Variants in ANKS1B observed in about 807,000 individuals in gnomAD.
ANKS1B encodes the protein ankyrin repeat and sterile alpha motif domain containing 1B.
Under a neutral mutation model 148.3 loss-of-function variants are expected in ANKS1B, and 36 were observed. That is an observed-to-expected ratio of 0.24 (90% CI 0.19 to 0.32). ANKS1B has a LOEUF of 0.32. ANKS1B is among the 10% of genes least tolerant of loss of function. ANKS1B has a pLI of 1.00. For missense variants in ANKS1B, 1,157 were observed against 1,542.6 expected, an observed-to-expected ratio of 0.75 and a Z score of 4.19; for synonymous variants, 542 against 560.8, an observed-to-expected ratio of 0.97 and a Z score of 0.47.
Position 99,132,699 on chromosome 12 carries a change from T to C in ANKS1B, c.2526+21590A>G, listed in dbSNP as rs566733727. ...CAGATCTGGGCTTGTAAATTAACTA[T>C]TGTCCTTACTTATCAGCCAAGTGTT... On this transcript the variant is annotated intron_variant, in intron 15 of 26. Transcript: ENST00000683438. Among the ~76,000 whole-genome samples the C allele has an allele frequency of 5.3e-5, 8 of 152,344 alleles. No individual in the cohort carries two copies. In the East Asian group the frequency reaches 1.2e-3, roughly 22 times the overall value.
At chr12:99,427,432 T>G (rs2095279673) in intron 11 of ANKS1B, among the ~76,000 whole-genome samples, 1 of 152,202 alleles carries the variant, frequency 6.6e-6, no homozygotes, top group Non-Finnish European at 1.5e-5. Context: ...ACATTCTTCC[T>G]CTGACTCTTT....
intron 10 of ANKS1B, among the ~76,000 whole-genome samples, chr12:99,472,376 C>T (rs1368947002): frequency 6.6e-6 from 1 of 152,132 alleles, no homozygotes; most frequent in East Asian, 1.9e-4. Flanking sequence ...TGTCTCCCTA[C>T]AGAGCGTGAG....
At chr12:99,820,212 T>C (rs1411974496) in intron 2 of ANKS1B, among the ~76,000 whole-genome samples, 2 of 151,938 alleles carry the variant, frequency 1.3e-5, no homozygotes, top group African/African-American at 2.4e-5. Flanking sequence ...TTTTCCATTG[T>C]GTCCTGATCT....
intron 12 of ANKS1B, among the ~76,000 whole-genome samples, chr12:99,370,880 G>A (rs2093093577): frequency 6.6e-6 from 1 of 152,158 alleles, no homozygotes; most frequent in Non-Finnish European, 1.5e-5. Flanking sequence ...AGACTTACAA[G>A]TACTTCGATG....
chr12:99,434,230 T>C (rs1594746484), intron 11 of ANKS1B, among the ~76,000 whole-genome samples: 2 of 152,148 alleles, frequency 1.3e-5, no homozygotes, highest in South Asian at 2.1e-4. Flanking sequence ...AAGGGAAGGA[T>C]AGACTATATT....
At chr12:99,884,987 G>A (rs1260153426) in intron 1 of ANKS1B, among the ~76,000 whole-genome samples, 1 of 150,348 alleles carries the variant, frequency 6.7e-6, no homozygotes, top group Non-Finnish European at 1.5e-5. Context: ...ACTATTTAAT[G>A]TGATCTTAGA....
chr12:99,923,358 G>C (rs1444010300), intron 1 of ANKS1B, among the ~76,000 whole-genome samples: 2 of 152,182 alleles, frequency 1.3e-5, no homozygotes, highest in Non-Finnish European at 2.9e-5. Flanking sequence ...CTGAGAACCA[G>C]GAAGAGTTTA....
At chr12:99,634,082 T>C (rs921065089) in intron 9 of ANKS1B, among the ~76,000 whole-genome samples, 3 of 152,320 alleles carry the variant, frequency 2.0e-5, no homozygotes, top group African/African-American at 2.4e-5. Context: ...CCAGAAGCAA[T>C]ATACTATGGT....
intron 4 of ANKS1B, among the ~76,000 whole-genome samples, chr12:99,787,374 T>C (rs1006455008): frequency 6.6e-6 from 1 of 152,184 alleles, no homozygotes; most frequent in Non-Finnish European, 1.5e-5. Flanking sequence ...TTGCTCCTCC[T>C]TCACCTTCCA....
intron 12 of ANKS1B, among the ~76,000 whole-genome samples, chr12:99,304,044 T>C (rs1348695206): frequency 6.6e-6 from 1 of 152,176 alleles, no homozygotes; most frequent in Non-Finnish European, 1.5e-5. Flanking sequence ...TTCCATATTT[T>C]TGTGATTGCG....
At chr12:99,847,552 G>A (rs1295182473) in intron 1 of ANKS1B, among the ~76,000 whole-genome samples, 1 of 152,026 alleles carries the variant, frequency 6.6e-6, no homozygotes, top group African/African-American at 2.4e-5. Context: ...CAACTGACAG[G>A]CCTTGCTGGG....
chr12:99,095,186 A>G (rs538530027), intron 15 of ANKS1B, among the ~76,000 whole-genome samples: 5 of 152,358 alleles, frequency 3.3e-5, no homozygotes, highest in African/African-American at 1.2e-4. Context: ...GAAAATGTTC[A>G]GACTCCATGG....
intron 11 of ANKS1B, among the ~76,000 whole-genome samples, chr12:99,416,025 A>G (rs566381040): frequency 4.0e-5 from 6 of 151,628 alleles, no homozygotes; most frequent in Non-Finnish European, 5.9e-5. Context: ...TCCTGCCCCC[A>G]CCTCCACCTT....
At chr12:99,929,433 C>G (rs572704949) in intron 1 of ANKS1B, among the ~76,000 whole-genome samples, 2 of 152,230 alleles carry the variant, frequency 1.3e-5, no homozygotes, top group South Asian at 4.1e-4. Context: ...AAAATTTTCT[C>G]CCATTCTGTA....
chr12:99,566,506 G>A (rs1567367146), intron 9 of ANKS1B, among the ~76,000 whole-genome samples: 1 of 152,142 alleles, frequency 6.6e-6, no homozygotes, highest in South Asian at 2.1e-4. Flanking sequence ...GGCTGCTATG[G>A]TTTGAATGTG....
At chr12:99,221,974 T>A (rs1199418856) in intron 14 of ANKS1B, among the ~76,000 whole-genome samples, 4 of 152,186 alleles carry the variant, frequency 2.6e-5, no homozygotes, top group African/African-American at 9.7e-5. Context: ...TATTATTTTT[T>A]AAAATTTTGC....
chr12:99,398,882 A>G (rs1316898750), intron 12 of ANKS1B, among the ~76,000 whole-genome samples: 1 of 152,154 alleles, frequency 6.6e-6, no homozygotes, highest in Non-Finnish European at 1.5e-5. Flanking sequence ...AAGACCATCC[A>G]GCCTATGAGT....
At chr12:98,822,071 A>G (rs2099199662) in intron 19 of ANKS1B, among the ~76,000 whole-genome samples, 1 of 152,134 alleles carries the variant, frequency 6.6e-6, no homozygotes. Flanking sequence ...AAGGAGAGCC[A>G]GAGAGCAATG....
intron 16 of ANKS1B, among the ~76,000 whole-genome samples, chr12:99,057,464 T>C (rs1375080578): frequency 6.6e-6 from 1 of 152,206 alleles, no homozygotes; most frequent in African/African-American, 2.4e-5. Flanking sequence ...ATTTCCTCTA[T>C]TTCCTTCCTT....
Sources: allele counts gnomAD v4.1 joint callset (sites outside exome capture counted in the v4.1 genomes callset), GRCh38; gene constraint gnomAD v4.1.1; transcripts MANE v1.5; gene names NCBI Gene and HGNC (gene_info 2026-07-23, HGNC 2026-07-21).